The following FAM135B variants were observed in gnomAD, a reference collection of about 807,000 sequenced individuals.
FAM135B encodes family with sequence similarity 135 member B.
A neutral mutation model predicts 127.7 loss-of-function variants in FAM135B; 43 were observed. That is an observed-to-expected ratio of 0.34 (90% CI 0.26 to 0.43). The LOEUF is 0.43. Among genes scored for constraint, FAM135B ranks in the 20% least tolerant of loss-of-function variants. The pLI, the probability that FAM135B is intolerant of heterozygous loss-of-function variation, is 1.00. For missense variants in FAM135B, 1,558 were observed against 1,725.6 expected (o/e 0.90, Z 1.72); for synonymous variants, 670 against 665.1 (o/e 1.01, Z -0.11).
At chr8:138,279,672 A>G (rs1402988429) in intron 3 of FAM135B, among the ~76,000 whole-genome samples, 1 of 152,312 alleles carries the variant, frequency 6.6e-6, no homozygotes, top group Non-Finnish European at 1.5e-5. Flanking sequence ...TTAAAAACAC[A>G]TATCTTCCGC....
At chr8:138,144,347 G>T (rs1432181840) in intron 15 of FAM135B, 1 of 152,230 alleles carries the variant, frequency 6.6e-6, no homozygotes, top group Non-Finnish European at 1.5e-5. Context: ...GGAGGTGGAG[G>T]TCGCAGTGAG....
intron 1 of FAM135B, chr8:138,439,733 A>T (rs1311505785): frequency 6.6e-6 from 1 of 152,124 alleles, no homozygotes. Context: ...TCTGCTAGGG[A>T]TGTATTATTG....
intron 6 of FAM135B, among the ~76,000 whole-genome samples, chr8:138,247,296 C>T (rs1236399950): frequency 3.9e-5 from 6 of 152,152 alleles, no homozygotes; most frequent in Non-Finnish European, 8.8e-5. Flanking sequence ...CTACCCAAAG[C>T]TCATCTTGAA....
Position 138,131,649 on chromosome 8 carries a change from A to T in FAM135B, c.*944T>A, listed in dbSNP as rs1417624020. On this transcript the variant is annotated 3_prime_UTR_variant, in exon 20 of 20. Coordinates refer to ENST00000395297, the MANE Select transcript of FAM135B (RefSeq NM_015912.4). Reference sequence around the variant, plus strand: ...TAGATGTTTTCCTCCTTCCATGGAGAGGAGAAGCAGCTGGCCACTTTAATG... The same window carrying T: ...TAGATGTTTTCCTCCTTCCATGGAGTGGAGAAGCAGCTGGCCACTTTAATG... The T allele has an allele frequency of 6.6e-6, 1 of 152,564 alleles. No homozygotes were observed. Among genetic ancestry groups the T allele is most frequent in the African/African-American group, 2.4e-5 (1 of 41,412 alleles). The allele number at this position is 152,564 out of a possible 1,614,324, so 9.5% of individuals were successfully genotyped here.
rs969245306 is a variant in FAM135B, at chr8:138,401,458, C to A, written c.-19-33456G>T. On this transcript the variant is annotated intron_variant, in intron 1 of 19. Coordinates refer to ENST00000395297, the MANE Select transcript of FAM135B (RefSeq NM_015912.4). Reference sequence around the variant, plus strand: ...TGTAACTGTGGAAACCCTGAGCAGGCACACAGGAGGCACAGGGCACTCACG... The same window carrying A: ...TGTAACTGTGGAAACCCTGAGCAGGAACACAGGAGGCACAGGGCACTCACG... Among the ~76,000 whole-genome samples, 8 of 152,200 alleles carry A rather than the reference C, an allele frequency of 5.3e-5. 1 individual carries two copies. Among genetic ancestry groups the A allele is most frequent in the Non-Finnish European group, 8.8e-5 (6 of 68,040 alleles).
intron 11 of FAM135B, among the ~76,000 whole-genome samples, chr8:138,171,979 T>G (rs1586676967): frequency 6.6e-6 from 1 of 152,218 alleles, no homozygotes; most frequent in African/African-American, 2.4e-5. Context: ...GCTGGGTGCA[T>G]GCATGGTGCA....
intron 9 of FAM135B, among the ~76,000 whole-genome samples, chr8:138,193,497 C>T (rs969088227): frequency 1.3e-5 from 2 of 152,176 alleles, no homozygotes; most frequent in African/African-American, 2.4e-5. Context: ...AGCCTGATCT[C>T]GTGATGGGAA....
intron 1 of FAM135B, among the ~76,000 whole-genome samples, chr8:138,456,115 C>T (rs1836763860): frequency 6.6e-6 from 1 of 152,228 alleles, no homozygotes; most frequent in Non-Finnish European, 1.5e-5. Flanking sequence ...ACCAACATAT[C>T]ACTGGCAGCC....
intron 2 of FAM135B, among the ~76,000 whole-genome samples, chr8:138,361,850 C>A (rs992367309): frequency 2.6e-5 from 4 of 152,176 alleles, no homozygotes; most frequent in African/African-American, 9.6e-5. Context: ...TCCGAGACAT[C>A]TGTTCTGACT....
chr8:138,167,244 G>A (rs915640312), intron 12 of FAM135B, among the ~76,000 whole-genome samples: 8 of 152,134 alleles, frequency 5.3e-5, no homozygotes, highest in Non-Finnish European at 8.8e-5. Flanking sequence ...TGCCCAGGCT[G>A]GAATGCGATG....
intron 3 of FAM135B, among the ~76,000 whole-genome samples, chr8:138,284,886 G>A (rs961665737): frequency 5.9e-5 from 9 of 151,606 alleles, no homozygotes; most frequent in African/African-American, 1.9e-4. Flanking sequence ...AGGTTTGTTT[G>A]GCTCAAACAG....
At chr8:138,397,314 T>A (rs75985588) in intron 1 of FAM135B, among the ~76,000 whole-genome samples, 1 of 152,178 alleles carries the variant, frequency 6.6e-6, no homozygotes, top group Non-Finnish European at 1.5e-5. Flanking sequence ...CATGATTTTA[T>A]GTGTATGAAA....
chr8:138,287,520 T>C (rs1436110286), intron 3 of FAM135B, among the ~76,000 whole-genome samples: 2 of 151,584 alleles, frequency 1.3e-5, no homozygotes, highest in Non-Finnish European at 2.9e-5. Context: ...GTATCTCCCT[T>C]AGAGAAACCT....
At chr8:138,458,027 C>T (rs2131607568) in intron 1 of FAM135B, among the ~76,000 whole-genome samples, 1 of 151,662 alleles carries the variant, frequency 6.6e-6, no homozygotes, top group South Asian at 2.1e-4. Context: ...GTGGCACACG[C>T]CTATAGTCTA....
At chr8:138,335,323 T>C (rs1007847568) in intron 2 of FAM135B, among the ~76,000 whole-genome samples, 1 of 152,158 alleles carries the variant, frequency 6.6e-6, no homozygotes, top group Admixed American at 6.5e-5. Context: ...CCCAGCACCC[T>C]CATCATCTTA....
At chr8:138,418,884 C>CAA (rs761615203) in intron 1 of FAM135B, among the ~76,000 whole-genome samples, 203 of 116,314 alleles carry the variant, frequency 1.7e-3, no homozygotes, top group African/African-American at 4.8e-3. Flanking sequence ...TCACCAACCA[C>CAA]AAAAAAAAAA....
At chr8:138,396,972 TG>T (rs1163016765) in intron 1 of FAM135B, among the ~76,000 whole-genome samples, 1 of 152,064 alleles carries the variant, frequency 6.6e-6, no homozygotes, top group Non-Finnish European at 1.5e-5. Flanking sequence ...AACTAAAAAA[TG>T]TATAAAATCA....
intron 9 of FAM135B, among the ~76,000 whole-genome samples, chr8:138,185,098 G>C (rs1177493125): frequency 6.6e-6 from 1 of 152,172 alleles, no homozygotes; most frequent in South Asian, 2.1e-4. Context: ...TCCCTGACCT[G>C]CGGGACAGGG....
Position 138,394,124 on chromosome 8 carries a change from T to C in FAM135B, c.-19-26122A>G, listed in dbSNP as rs985635246. 3.9e-5 allele frequency among the ~76,000 whole-genome samples: 6 copies of C among 152,176 alleles called. No homozygotes were observed. In the South Asian group the frequency reaches 6.2e-4, roughly 16 times the overall value. On this transcript the variant is annotated intron_variant, in intron 1 of 19. Transcript: ENST00000395297. ...AGCAAAGTTGGGGGTGCCTGGTCTATTTCTCAGAAGAAGACAGATCACTAA... is the reference window on the plus strand; with the variant it reads ...AGCAAAGTTGGGGGTGCCTGGTCTACTTCTCAGAAGAAGACAGATCACTAA...
Sources: allele counts gnomAD v4.1 joint callset (sites outside exome capture counted in the v4.1 genomes callset), GRCh38; gene constraint gnomAD v4.1.1; transcripts MANE v1.5; gene names NCBI Gene and HGNC (gene_info 2026-07-23, HGNC 2026-07-21).